Variants in EXOC6B observed in about 807,000 individuals in gnomAD.
EXOC6B encodes SEC15 homolog B.
In EXOC6B, 54 loss-of-function variants were observed where a neutral mutation model predicts 113.5. The ratio of observed to expected loss-of-function variants is 0.48; its 90% CI spans 0.38 to 0.60. The LOEUF (loss-of-function observed/expected upper bound fraction) is 0.60. EXOC6B is among the 20% of genes least tolerant of loss of function. The pLI is 0.00. For synonymous variants in EXOC6B, 357 were observed against 339.0 expected, an observed-to-expected ratio of 1.05 and a Z score of -0.58; for missense variants, 797 against 977.5, an observed-to-expected ratio of 0.82 and a Z score of 2.46.
chr2:72,474,801 A>C (rs1224840983), intron 17 of EXOC6B, among the ~76,000 whole-genome samples: 1 of 152,046 alleles, frequency 6.6e-6, no homozygotes, highest in Non-Finnish European at 1.5e-5. Flanking sequence ...ATTCCTTTGG[A>C]GGTGTCATAT....
intron 6 of EXOC6B, among the ~76,000 whole-genome samples, chr2:72,620,287 T>C (rs916763397): frequency 1.3e-5 from 2 of 152,072 alleles, no homozygotes; most frequent in African/African-American, 4.8e-5. Flanking sequence ...GTGGGGATGT[T>C]GTGGGTGGTG....
chr2:72,422,654 G>T (rs529714733), intron 18 of EXOC6B, among the ~76,000 whole-genome samples: 10 of 146,864 alleles, frequency 6.8e-5, no homozygotes, highest in African/African-American at 2.5e-4. Context: ...TCTAGCTGCT[G>T]TGGTAGGGCC....
At chr2:72,354,678 A>G (rs1199940302) in intron 19 of EXOC6B, among the ~76,000 whole-genome samples, 1 of 152,192 alleles carries the variant, frequency 6.6e-6, no homozygotes, top group Admixed American at 6.5e-5. Flanking sequence ...GTCTGAGAAA[A>G]GCCCTCTCAG....
At chr2:72,283,120 C>A (rs1239340840) in intron 20 of EXOC6B, among the ~76,000 whole-genome samples, 1 of 152,114 alleles carries the variant, frequency 6.6e-6, no homozygotes, top group East Asian at 1.9e-4. Flanking sequence ...TTAAAGGACA[C>A]ATAAGACATT....
chr2:72,359,564 G>A (rs995421321), intron 19 of EXOC6B, among the ~76,000 whole-genome samples: 2 of 152,086 alleles, frequency 1.3e-5, no homozygotes, highest in African/African-American at 2.4e-5. Flanking sequence ...AGGACAAACG[G>A]ACTAAGACAG....
chr2:72,508,715 A>C (rs1203478911), intron 11 of EXOC6B, among the ~76,000 whole-genome samples: 1 of 152,290 alleles, frequency 6.6e-6, no homozygotes, highest in East Asian at 1.9e-4. Context: ...CAGAGGTCGC[A>C]GTGAGCTGAG....
chr2:72,664,577 G>C (rs1045136376), intron 6 of EXOC6B, among the ~76,000 whole-genome samples: 2 of 152,210 alleles, frequency 1.3e-5, no homozygotes, highest in African/African-American at 4.8e-5. Flanking sequence ...TTTGTGCACA[G>C]AGCAGCTGCA....
intron 20 of EXOC6B, among the ~76,000 whole-genome samples, chr2:72,258,741 G>C (rs1011950307): frequency 2.0e-4 from 30 of 152,006 alleles, no homozygotes; most frequent in Non-Finnish European, 4.1e-4. Flanking sequence ...GAAGGCCCAA[G>C]TACATACAAA....
chr2:72,821,014 T>G (rs1377083963), intron 1 of EXOC6B, among the ~76,000 whole-genome samples: 3 of 152,070 alleles, frequency 2.0e-5, no homozygotes. Context: ...TAAAAACTTT[T>G]GTGCAGCAAA....
chr2:72,199,953 AC>A (rs754322552), intron 20 of EXOC6B, among the ~76,000 whole-genome samples: 27 of 151,984 alleles, frequency 1.8e-4, no homozygotes, highest in Non-Finnish European at 3.1e-4. Flanking sequence ...CTGGAGTGCA[AC>A]GGCACGATCT....
intron 1 of EXOC6B, among the ~76,000 whole-genome samples, chr2:72,823,184 AATG>A (rs1297110545): frequency 6.6e-6 from 1 of 151,434 alleles, no homozygotes; most frequent in Non-Finnish European, 1.5e-5. Context: ...TGAGATCAAA[AATG>A]ATGAGCCCAT....
chr2:72,373,580 AT>A (rs1558603542), intron 19 of EXOC6B, among the ~76,000 whole-genome samples: 1 of 152,202 alleles, frequency 6.6e-6, no homozygotes, highest in Non-Finnish European at 1.5e-5. Flanking sequence ...AAAACTAATA[AT>A]CCAATTTAAA....
At chr2:72,502,012 C>G (rs1488274442) in intron 11 of EXOC6B, among the ~76,000 whole-genome samples, 1 of 151,996 alleles carries the variant, frequency 6.6e-6, no homozygotes, top group Non-Finnish European at 1.5e-5. Context: ...ATCTGCCTGC[C>G]TTGGCCTCCC....
intron 6 of EXOC6B, among the ~76,000 whole-genome samples, chr2:72,715,917 A>G (rs1237566416): frequency 1.3e-5 from 2 of 152,130 alleles, no homozygotes; most frequent in Admixed American, 6.6e-5. Flanking sequence ...GTTGCCCCCT[A>G]AGGAAGGAGT....
At chr2:72,479,812 C>A (rs1301481161) in intron 17 of EXOC6B, among the ~76,000 whole-genome samples, 1 of 152,114 alleles carries the variant, frequency 6.6e-6, no homozygotes, top group Non-Finnish European at 1.5e-5. Context: ...TTTGATCCAG[C>A]TCTGGATCAA....
At chr2:72,402,896 AGCTCATGTAGAG>A (rs1693434319) in intron 18 of EXOC6B, among the ~76,000 whole-genome samples, 1 of 152,174 alleles carries the variant, frequency 6.6e-6, no homozygotes, top group Non-Finnish European at 1.5e-5. Context: ...CTGTTCTTTC[AGCTCATGTAGAG>A]CTGAAGTTTT....
chr2:72,487,641 G>C (rs562560222), intron 16 of EXOC6B, among the ~76,000 whole-genome samples: 1 of 152,132 alleles, frequency 6.6e-6, no homozygotes, highest in Admixed American at 6.5e-5. Context: ...TCACAGGCGT[G>C]AGCCACTGTG....
intron 6 of EXOC6B, among the ~76,000 whole-genome samples, chr2:72,683,216 T>C (rs1676838752): frequency 6.6e-6 from 1 of 152,190 alleles, no homozygotes; most frequent in African/African-American, 2.4e-5. Context: ...AAGGCAGAGC[T>C]ATGTGTTTTT....
chr2:72,265,079 C>A (rs1399952951), intron 20 of EXOC6B, among the ~76,000 whole-genome samples: 1 of 151,738 alleles, frequency 6.6e-6, no homozygotes, highest in African/African-American at 2.4e-5. Context: ...TAGAAGAAGA[C>A]AGGAAGACAT....
Sources: allele counts gnomAD v4.1 joint callset (sites outside exome capture counted in the v4.1 genomes callset), GRCh38; gene constraint gnomAD v4.1.1; transcripts MANE v1.5; gene names NCBI Gene and HGNC (gene_info 2026-07-23, HGNC 2026-07-21).